Variants in KCNIP4 observed in about 807,000 individuals in gnomAD.
KCNIP4 encodes the protein potassium voltage-gated channel interacting protein 4.
KCNIP4 carries 12 observed loss-of-function variants against 34.0 expected under a neutral mutation model. The ratio of observed to expected loss-of-function variants is 0.35; its 90% CI spans 0.23 to 0.57. The LOEUF is 0.57. KCNIP4 is among the 20% of genes least tolerant of loss of function. The pLI is 0.83. For synonymous variants in KCNIP4, 124 were observed against 102.2 expected (o/e 1.21, Z -1.29); for missense variants, 238 against 311.7 (o/e 0.76, Z 1.78).
chr4:21,792,186 C>A (rs1348661281), intron 1 of KCNIP4, among the ~76,000 whole-genome samples: 1 of 144,460 alleles, frequency 6.9e-6, no homozygotes, highest in African/African-American at 2.9e-5. Flanking sequence ...AGCACATAAA[C>A]CGTATCTGTC....
chr4:20,772,393 C>T (rs1309610447), intron 3 of KCNIP4, among the ~76,000 whole-genome samples: 1 of 152,054 alleles, frequency 6.6e-6, no homozygotes, highest in Non-Finnish European at 1.5e-5. Context: ...GAGCTTACTA[C>T]GGAGGAAGCA....
chr4:21,063,438 G>T (rs1280230124), intron 1 of KCNIP4, among the ~76,000 whole-genome samples: 1 of 152,056 alleles, frequency 6.6e-6, no homozygotes, highest in African/African-American at 2.4e-5. Flanking sequence ...CTTTTTATCA[G>T]CAATTCACTG....
intron 1 of KCNIP4, among the ~76,000 whole-genome samples, chr4:21,434,509 A>G (rs1726775280): frequency 6.6e-6 from 1 of 152,160 alleles, no homozygotes; most frequent in Non-Finnish European, 1.5e-5. Context: ...CCCTCTCCCC[A>G]CCCAGGACCA....
chr4:21,140,098 G>A (rs1167599328), intron 1 of KCNIP4, among the ~76,000 whole-genome samples: 1 of 151,996 alleles, frequency 6.6e-6, no homozygotes, highest in Non-Finnish European at 1.5e-5. Context: ...AATTCAATGA[G>A]CTTTTAAGAA....
chr4:21,082,690 G>T (rs1270993265), intron 1 of KCNIP4, among the ~76,000 whole-genome samples: 2 of 151,676 alleles, frequency 1.3e-5, no homozygotes, highest in Non-Finnish European at 2.9e-5. Context: ...TGAGAAATGA[G>T]ATAAGCCAGT....
intron 1 of KCNIP4, among the ~76,000 whole-genome samples, chr4:21,678,815 C>T (rs1750119259): frequency 6.6e-6 from 1 of 152,158 alleles, no homozygotes; most frequent in Non-Finnish European, 1.5e-5. Flanking sequence ...AATTGTGCCT[C>T]CCCATCCCAA....
chr4:21,734,369 G>T (rs1361307734), intron 1 of KCNIP4, among the ~76,000 whole-genome samples: 1 of 151,926 alleles, frequency 6.6e-6, no homozygotes, highest in African/African-American at 2.4e-5. Flanking sequence ...GTACAAAACA[G>T]ATTTTCAGCT....
intron 1 of KCNIP4, among the ~76,000 whole-genome samples, chr4:21,885,306 A>G (rs375557577): frequency 5.3e-5 from 8 of 152,148 alleles, no homozygotes; most frequent in East Asian, 1.9e-4. Flanking sequence ...AAGCCACTAC[A>G]TTCTGTAGAA....
At chr4:21,064,951 T>C (rs950281017) in intron 1 of KCNIP4, among the ~76,000 whole-genome samples, 1 of 152,232 alleles carries the variant, frequency 6.6e-6, no homozygotes, top group African/African-American at 2.4e-5. Context: ...ATAGTTTTAA[T>C]TTAAATTATT....
At chr4:21,250,449 C>T (rs998998627) in intron 1 of KCNIP4, among the ~76,000 whole-genome samples, 2 of 152,168 alleles carry the variant, frequency 1.3e-5, no homozygotes, top group Middle Eastern at 3.4e-3. Flanking sequence ...GTGGGAGTCA[C>T]TAAAAAATCC....
At chr4:20,868,555 G>A (rs1723099885) in intron 2 of KCNIP4, among the ~76,000 whole-genome samples, 2 of 152,016 alleles carry the variant, frequency 1.3e-5, no homozygotes, top group South Asian at 4.1e-4. Flanking sequence ...TCATCACTGT[G>A]CTCTTCACAA....
chr4:20,976,939 T>C (rs1735551592), intron 1 of KCNIP4, among the ~76,000 whole-genome samples: 1 of 152,114 alleles, frequency 6.6e-6, no homozygotes, highest in South Asian at 2.1e-4. Context: ...GTTCAAGCGA[T>C]TCTCCCACCT....
At chr4:21,074,679 G>C (rs868855290) in intron 1 of KCNIP4, among the ~76,000 whole-genome samples, 11 of 152,052 alleles carry the variant, frequency 7.2e-5, no homozygotes, top group African/African-American at 2.2e-4. Context: ...CCTTCTGCTA[G>C]CTTTTGAATG....
intron 1 of KCNIP4, among the ~76,000 whole-genome samples, chr4:20,907,787 G>A (rs1321596186): frequency 2.6e-5 from 4 of 151,874 alleles, no homozygotes; most frequent in Non-Finnish European, 5.9e-5. Flanking sequence ...GCGCGATCTC[G>A]GCTCACTGCA....
rs1721302959 is a variant in KCNIP4, at chr4:20,853,936, C to A, written c.164-3269G>T. The stretch of plus-strand genomic sequence containing the variant: ...ATCAGGGAAATGCAAATCAAAACCA[C>A]AATGCAATACTGCCTTACTCCTCCA... On this transcript the variant is annotated intron_variant, in intron 2 of 8. Coordinates refer to ENST00000382152, the MANE Select transcript of KCNIP4 (RefSeq NM_025221.6). Among the ~76,000 whole-genome samples the A allele has an allele frequency of 3.9e-5, 6 of 152,272 alleles. No individual in the cohort carries two copies. The South Asian group carries it at 1.2e-3, about 32-fold the overall frequency.
intron 1 of KCNIP4, among the ~76,000 whole-genome samples, chr4:21,591,986 T>C (rs755047259): frequency 4.6e-5 from 7 of 152,078 alleles, no homozygotes; most frequent in South Asian, 2.1e-4. Context: ...CGGTGCTGCA[T>C]TGGAAGTTGT....
intron 1 of KCNIP4, among the ~76,000 whole-genome samples, chr4:21,709,450 A>G (rs1713543228): frequency 6.6e-6 from 1 of 152,228 alleles, no homozygotes; most frequent in Non-Finnish European, 1.5e-5. Flanking sequence ...TGGATAGAAT[A>G]CCTGAAGGAG....
At chr4:21,557,932 G>A (rs1260679940) in intron 1 of KCNIP4, among the ~76,000 whole-genome samples, 2 of 152,146 alleles carry the variant, frequency 1.3e-5, no homozygotes, top group Non-Finnish European at 2.9e-5. Flanking sequence ...ATGTACATGG[G>A]ATATACGAAT....
intron 1 of KCNIP4, chr4:21,846,527 T>C (rs541347968): frequency 1.3e-5 from 2 of 152,210 alleles, no homozygotes; most frequent in East Asian, 1.9e-4. Flanking sequence ...CGTCATAGGA[T>C]TGCTGCGAGA....
Sources: allele counts gnomAD v4.1 joint callset (sites outside exome capture counted in the v4.1 genomes callset), GRCh38; gene constraint gnomAD v4.1.1; transcripts MANE v1.5; gene names NCBI Gene and HGNC (gene_info 2026-07-23, HGNC 2026-07-21).